The following CSNK1A1 variants were observed in gnomAD, a reference collection of about 807,000 sequenced individuals.
The protein encoded by CSNK1A1 is casein kinase 1 alpha 1, also known as casein kinase I isoform alpha.
In CSNK1A1, 7 loss-of-function variants were observed where a neutral mutation model predicts 46.1. The ratio of observed to expected loss-of-function variants is 0.15; its 90% confidence interval spans 0.09 to 0.29. The LOEUF is 0.29. Among genes scored for constraint, CSNK1A1 ranks in the 10% least tolerant of loss-of-function variants. The pLI is 1.00. For synonymous variants in CSNK1A1, 137 were observed against 141.5 expected, an observed-to-expected ratio of 0.97 and a Z score of 0.23; for missense variants, 96 against 417.1, an observed-to-expected ratio of 0.23 and a Z score of 6.71.
chr5:149,501,618 A>C, intron 9 of CSNK1A1: 1 of 985,276 alleles, frequency 1.0e-6, no homozygotes. Context: ...AACTCTGCTT[A>C]GTAACTATGG....
intron 9 of CSNK1A1, 118 bp downstream of exon 9, chr5:149,505,329 G>A (rs1760988620): frequency 5.6e-6 from 8 of 1,434,618 alleles, no homozygotes; most frequent in South Asian, 4.9e-5. Context: ...TTTTAACGCA[G>A]AGCCAAATTT....
At chr5:149,537,368 T>C (rs1762091192) in intron 2 of CSNK1A1, among the ~76,000 whole-genome samples, 1 of 152,026 alleles carries the variant, frequency 6.6e-6, no homozygotes, top group African/African-American at 2.4e-5. Context: ...AGAGTGAGAC[T>C]CCATCTCTAG....
chr5:149,546,896 G>A (rs1451451518), intron 2 of CSNK1A1, among the ~76,000 whole-genome samples: 2 of 152,082 alleles, frequency 1.3e-5, no homozygotes, highest in African/African-American at 4.8e-5. Context: ...AACTGAGGGG[G>A]ATGGGAAGAT....
Position 149,545,010 on chromosome 5 carries a change from T to C in CSNK1A1, c.230+5065A>G, listed in dbSNP as rs113667289. Among the ~76,000 whole-genome samples the C allele has an allele frequency of 8.2e-4, 123 of 150,724 alleles. 2 individuals are homozygous for C. The highest frequency in any genetic ancestry group is 2.8e-3 in the African/African-American group (113 of 40,920). ...AATTAGCTGGGTGTGGCGGCGCGCC[T>C]GTAATCCCATGAACCTGGGAGGCAG... is the stretch of plus-strand genomic sequence containing the variant. On this transcript the variant is annotated intron_variant, in intron 2 of 9. Transcript: ENST00000377843.
chr5:149,550,780 G>C lies in CSNK1A1; in HGVS notation c.123+62C>G. 1 of 1,609,124 alleles carries C rather than the reference G, an allele frequency of 6.2e-7. No individual in the cohort carries two copies. The highest frequency in any genetic ancestry group is 8.5e-7 in the Non-Finnish European group (1 of 1,176,764). The stretch of plus-strand genomic sequence containing the variant: ...GGCCCGAGCACTTTGGGGGTGCACG[G>C]TGGTGGTGGGGGGAATGAGTAAAAG... On this transcript the variant is annotated intron_variant, in intron 1 of 9. Transcript: ENST00000377843. This position sits in a 1 kb window ranked among gnomAD's most constrained non-coding sequence, Gnocchi z 4.3.
chr5:149,516,791 T>C (rs1761419361), intron 4 of CSNK1A1, among the ~76,000 whole-genome samples: 2 of 152,112 alleles, frequency 1.3e-5, no homozygotes, highest in Non-Finnish European at 2.9e-5. Context: ...AACTCTGAAT[T>C]TCTGAAACCT....
intron 2 of CSNK1A1, among the ~76,000 whole-genome samples, chr5:149,547,147 C>G: frequency 6.6e-6 from 1 of 152,180 alleles, no homozygotes; most frequent in Non-Finnish European, 1.5e-5. Context: ...AACCAGTTCA[C>G]CAAGCTTTCT....
Position 149,549,495 on chromosome 5 carries a change from T to G in CSNK1A1, c.230+580A>C, listed in dbSNP as rs1056499190. ...AGCTTTATTCTTGGCTTTTCAAAGGTTTAATCCACTCGGGGCTGCTAAAGG... is the reference window on the plus strand; with the variant it reads ...AGCTTTATTCTTGGCTTTTCAAAGGGTTAATCCACTCGGGGCTGCTAAAGG... On this transcript the variant is annotated intron_variant, in intron 2 of 9. Coordinates refer to ENST00000377843, the MANE Select transcript of CSNK1A1 (RefSeq NM_001892.6). 4.3e-6 allele frequency: 3 copies of G among 702,356 alleles called. No individual in the cohort carries two copies. In the African/African-American group the frequency reaches 5.2e-5, roughly 12 times the overall value. 43.5% of individuals were successfully genotyped at this position (702,356 alleles called of 1,614,324 possible).
At chr5:149,505,996 G>C (rs528781293) in intron 8 of CSNK1A1, among the ~76,000 whole-genome samples, 1 of 151,716 alleles carries the variant, frequency 6.6e-6, no homozygotes, top group Non-Finnish European at 1.5e-5. Flanking sequence ...GTGCAATCTC[G>C]GCTCACTGCA....
rs1489721342 is a variant in CSNK1A1 at position 149,493,619 on chromosome 5, C to T, written c.*3234G>A. On this transcript the variant is annotated 3_prime_UTR_variant, in exon 10 of 10. Coordinates refer to ENST00000377843, the MANE Select transcript of CSNK1A1 (RefSeq NM_001892.6). ...CATCTTTGGCTGTTTCAAACATACACTGCTAAAAAAAAAAAAAGATTGTCA... is the reference window on the plus strand; with the variant it reads ...CATCTTTGGCTGTTTCAAACATACATTGCTAAAAAAAAAAAAAGATTGTCA... 1 of 149,266 alleles carries T rather than the reference C, an allele frequency of 6.7e-6. No homozygotes were observed. Among genetic ancestry groups the T allele is most frequent in the Non-Finnish European group, 1.5e-5 (1 of 67,552 alleles). The allele number at this position is 149,266 out of a possible 1,614,324, so 9.2% of individuals were successfully genotyped here. A position where few individuals can be genotyped will look rare whatever the true frequency, so the allele number is the denominator to read the frequency against.
chr5:149,522,110 T>C lies in CSNK1A1; in HGVS notation c.358-1722A>G, dbSNP rs571531369. ...TCTTGTATACAATAGAAGTTCTGTGTTTTTTTGTTTTTTTTGAGACAGAGT... is the reference window on the plus strand; with the variant it reads ...TCTTGTATACAATAGAAGTTCTGTGCTTTTTTGTTTTTTTTGAGACAGAGT... On this transcript the variant is annotated intron_variant, in intron 3 of 9. Transcript: ENST00000377843. Among the ~76,000 whole-genome samples, 23 of 152,178 alleles carry C rather than the reference T, an allele frequency of 1.5e-4. No homozygotes were observed. The South Asian group carries it at 4.6e-3, about 30-fold the overall frequency.
intron 9 of CSNK1A1, among the ~76,000 whole-genome samples, chr5:149,499,972 T>C (rs796338017): frequency 2.5e-5 from 3 of 119,826 alleles, no homozygotes; most frequent in Non-Finnish European, 5.2e-5. Context: ...TTTTTCTTTT[T>C]TTTTTTTTTT....
intron 2 of CSNK1A1, among the ~76,000 whole-genome samples, chr5:149,543,102 TTATA>T (rs757605678): frequency 6.6e-6 from 1 of 152,136 alleles, no homozygotes; most frequent in Non-Finnish European, 1.5e-5. Flanking sequence ...AATAGGTTAC[TTATA>T]TTTATGTAAG....
Position 149,495,104 on chromosome 5 carries a change from C to T in CSNK1A1, c.*1749G>A, listed in dbSNP as rs1296661220. ...AGAAAAGAAACAAAGAAGCTGCCTA[C>T]CCCAGAAGTTCAGACTTAATAAAAT... is the stretch of plus-strand genomic sequence containing the variant. On this transcript the variant is annotated 3_prime_UTR_variant, in exon 10 of 10. Transcript: ENST00000377843. The T allele has an allele frequency of 6.6e-6, 1 of 152,060 alleles. No individual in the cohort carries two copies. The highest frequency in any genetic ancestry group is 2.4e-5 in the African/African-American group (1 of 41,408). The allele number at this position is 152,060 out of a possible 1,614,324, so 9.4% of individuals were successfully genotyped here.
chr5:149,550,728 C>A lies in CSNK1A1; in HGVS notation c.123+114G>T. On this transcript the variant is annotated intron_variant, in intron 1 of 9. Coordinates refer to ENST00000377843, the MANE Select transcript of CSNK1A1 (RefSeq NM_001892.6). This position sits in a 1 kb window ranked among gnomAD's most constrained non-coding sequence, Gnocchi z 4.3. ...GCCAGGAAAACTAGCTCCCTGGACT[C>A]CCTGGCGAGTGCGTGCGATGAGGAG... 1.4e-6 allele frequency: 2 copies of A among 1,449,084 alleles called. No individual in the cohort carries two copies. The highest frequency in any genetic ancestry group is 1.9e-6 in the Non-Finnish European group (2 of 1,063,086). The allele number at this position is 1,449,084 out of a possible 1,614,324, so 89.8% of individuals were successfully genotyped here.
chr5:149,509,777 T>C (rs900137982), intron 7 of CSNK1A1, 102 bp downstream of exon 7: 2 of 694,416 alleles, frequency 2.9e-6, no homozygotes, highest in African/African-American at 3.7e-5. Context: ...CCTGGGCTCA[T>C]GTGACCTACT....
intron 7 of CSNK1A1, among the ~76,000 whole-genome samples, chr5:149,507,399 T>C (rs1323009716): frequency 6.6e-6 from 1 of 152,130 alleles, no homozygotes. Context: ...ACTATGTTCT[T>C]AAATAACTTA....
chr5:149,531,557 T>A lies in CSNK1A1; in HGVS notation c.231-6386A>T, dbSNP rs186516894. On this transcript the variant is annotated intron_variant, in intron 2 of 9. Transcript: ENST00000377843. ...AGAAAGAAAAGAAAAAGAAAAAAAATCAATTTTGAGCCAGGTGCAGTGGCT... is the reference window on the plus strand; with the variant it reads ...AGAAAGAAAAGAAAAAGAAAAAAAAACAATTTTGAGCCAGGTGCAGTGGCT... Among the ~76,000 whole-genome samples, 15 of 140,550 alleles carry A rather than the reference T, an allele frequency of 1.1e-4. No individual in the cohort carries two copies. The East Asian group carries it at 3.3e-3, about 31-fold the overall frequency. The allele number at this position is 140,550 out of a possible 152,430, so 92.2% of individuals were successfully genotyped here. A position where few individuals can be genotyped will look rare whatever the true frequency, so the allele number is the denominator to read the frequency against.
At chr5:149,516,670 A>G (rs990190864) in intron 4 of CSNK1A1, among the ~76,000 whole-genome samples, 2 of 152,212 alleles carry the variant, frequency 1.3e-5, no homozygotes, top group African/African-American at 4.8e-5. Flanking sequence ...GAGGCACTAT[A>G]AAACTAGTTT....
Sources: gnomAD v4.1 joint callset for allele counts (sites outside exome capture counted in the v4.1 genomes callset) on GRCh38, gnomAD v4.1.1 for gene constraint, Gnocchi (gnomAD v3.1) non-coding constraint, MANE v1.5 for transcripts, NCBI Gene and HGNC (gene_info 2026-07-23, HGNC 2026-07-21) for gene names.